The following MISP variants were observed in gnomAD, a reference collection of about 807,000 sequenced individuals.
The protein encoded by MISP is mitotic interactor and substrate of PLK1.
Under a neutral mutation model 49.3 loss-of-function variants are expected in MISP, and 51 were observed. That is an observed-to-expected ratio of 1.03 (90% CI 0.83 to 1.31). MISP has a LOEUF of 1.31. Among genes scored for constraint, MISP ranks in the 50% most tolerant of loss-of-function variants. The probability of loss-of-function intolerance (pLI) is 0.00; values close to 1 mark genes in which losing one functional copy is unlikely to be tolerated. For missense variants in MISP, 1,084 were observed against 935.1 expected (o/e 1.16, Z -2.08); for synonymous variants, 444 against 392.6 (o/e 1.13, Z -1.55).
chr19:753,612 C>T (rs2033496375), intron 1 of MISP, among the ~76,000 whole-genome samples: 1 of 151,876 alleles, frequency 6.6e-6, no homozygotes, highest in Non-Finnish European at 1.5e-5. Context: ...TGGTCTCGAT[C>T]TCCTGACCTC....
intron 3 of MISP, among the ~76,000 whole-genome samples, chr19:760,759 G>A (rs1180663094): frequency 6.6e-6 from 1 of 151,886 alleles, no homozygotes; most frequent in African/African-American, 2.4e-5. Context: ...AGGAAGGAAG[G>A]GAGGGAGGGA....
chr19:758,822 C>T, intron 2 of MISP, 96 bp downstream of exon 2: 1 of 1,054,832 alleles, frequency 9.5e-7, no homozygotes. Flanking sequence ...TGTCAAAGGG[C>T]TGGGGTTGGG....
intron 4 of MISP, among the ~76,000 whole-genome samples, chr19:762,887 G>T (rs1224674996): frequency 2.0e-5 from 3 of 151,860 alleles, no homozygotes; most frequent in Non-Finnish European, 2.9e-5. Context: ...GCCCAGGCTG[G>T]TCTCGAATTC....
rs780339674 is a variant in MISP at position 757,762 on chromosome 19, T to A, written c.816T>A (p.Val272=). 3 of 1,613,366 alleles carry A rather than the reference T, an allele frequency of 1.9e-6. No homozygotes were observed. The highest frequency in any genetic ancestry group is 2.5e-6 in the Non-Finnish European group (3 of 1,179,812). ...RAVPTWASVQ[V]VDDPGSLASV... is the part of the protein sequence containing the mutation. The stretch of plus-strand genomic sequence containing the variant: ...TGCCCACCTGGGCCAGTGTCCAAGT[T>A]GTGGATGACCCTGGCTCCTTGGCCT... Residue 272 remains valine (V), a synonymous_variant, in exon 2 of 5, where the codon GTT becomes GTA. Transcript: ENST00000215582.
In MISP at chr19:758,712, C is replaced by A. The variant is rs1289415136; in HGVS notation, c.1766C>A (p.Ser589Tyr). ...DENSDQNSRS[S>Y]SQASGITGSY... Reference sequence around the variant, plus strand: ...AACTCTGACCAGAACTCCAGGAGCTCCTCCCAGGCATCCGGTGAGAAGGGG... The same window carrying A: ...AACTCTGACCAGAACTCCAGGAGCTACTCCCAGGCATCCGGTGAGAAGGGG... Residue 589 changes from serine (S) to tyrosine (Y), a missense_variant, in exon 2 of 5, where the codon TCC (serine) becomes TAC (tyrosine). Coordinates refer to ENST00000215582, the MANE Select transcript of MISP (RefSeq NM_173481.4). 6.2e-7 allele frequency: 1 copy of A among 1,612,788 alleles called. No homozygotes were observed. Among genetic ancestry groups the A allele is most frequent in the African/African-American group, 1.3e-5 (1 of 74,904 alleles).
At position 758,091 on chromosome 19, in the gene MISP, C is replaced by A. The variant is rs201182924; in HGVS notation, c.1145C>A (p.Ser382Ter). 21 of 1,587,352 alleles carry A rather than the reference C, an allele frequency of 1.3e-5. No homozygotes were observed. Among genetic ancestry groups the A allele is most frequent in the Non-Finnish European group, 7.7e-6 (9 of 1,167,810 alleles). ...CGGGCGTCCACACCCGACTGGGTCT[C>A]GGAGGGTCCCCAGCCCGGACTCCGG... ...VGRASTPDWV[S>*]EGPQPGLRRA... The change falls in exon 2 of 5, where the codon TCG (serine) becomes TAG (stop). Residue 382 changes from serine (S) to a stop codon, truncating the protein, a stop_gained. Coordinates refer to ENST00000215582, the MANE Select transcript of MISP (RefSeq NM_173481.4). LOFTEE classifies it high-confidence loss of function.
In MISP at chr19:758,444, C is replaced by A; in HGVS notation, c.1498C>A (p.Arg500=). 4 of 1,614,170 alleles carry A rather than the reference C, an allele frequency of 2.5e-6. No individual in the cohort carries two copies. Among genetic ancestry groups the A allele is most frequent in the Non-Finnish European group, 3.4e-6 (4 of 1,180,032 alleles). The change falls in exon 2 of 5, where the codon CGG becomes AGG. Residue 500 remains arginine, a synonymous_variant. Transcript: ENST00000215582. Reference sequence around the variant, plus strand: ...CCCGCAAGCCAACAGGGGTGTCGTGCGGTGGGAGTACTTCCGCCTGCGTCC... The same window carrying A: ...CCCGCAAGCCAACAGGGGTGTCGTGAGGTGGGAGTACTTCCGCCTGCGTCC... ...GCPQANRGVV[R]WEYFRLRPLR...
At position 757,745 on chromosome 19, in the gene MISP, T is replaced by A. The variant is rs147260983; in HGVS notation, c.799T>A (p.Trp267Arg). 27 of 1,613,698 alleles carry A rather than the reference T, an allele frequency of 1.7e-5. No homozygotes were observed. In the African/African-American group the frequency reaches 3.3e-4, roughly 20 times the overall value. The change falls in exon 2 of 5, where the codon TGG becomes AGG. Residue 267 changes from tryptophan (W) to arginine (R), a missense_variant. Transcript: ENST00000215582. ...GAACAAGGTGCGTGCTGTGCCCACC[T>A]GGGCCAGTGTCCAAGTTGTGGATGA... ...EENKVRAVPT[W>R]ASVQVVDDPG...
intron 1 of MISP, among the ~76,000 whole-genome samples, chr19:751,681 G>A (rs2033461927): frequency 1.3e-5 from 2 of 152,264 alleles, no homozygotes; most frequent in Non-Finnish European, 2.9e-5. Flanking sequence ...TCTCAGGCCG[G>A]GGCTGGGGAC....
At position 752,134 on chromosome 19, in the gene MISP, G is replaced by C. The variant is rs576265614; in HGVS notation, c.-58+963G>C. Among the ~76,000 whole-genome samples the C allele has an allele frequency of 2.6e-5, 4 of 152,220 alleles. No homozygotes were observed. In the East Asian group the frequency reaches 5.8e-4, roughly 22 times the overall value. On this transcript the variant is annotated intron_variant, in intron 1 of 4. Transcript: ENST00000215582. ...TCAGATGAGCAGGTTCTCCTCTCTG[G>C]GTCCCAGCTCCCTCTCTCGAAAACC...
intron 1 of MISP, among the ~76,000 whole-genome samples, chr19:756,547 C>G (rs1251643943): frequency 6.6e-6 from 1 of 152,188 alleles, no homozygotes; most frequent in Non-Finnish European, 1.5e-5. Flanking sequence ...AGGTGGGATG[C>G]TCTGATTGGC....
At chr19:753,984 T>C (rs1292609405) in intron 1 of MISP, among the ~76,000 whole-genome samples, 2 of 152,116 alleles carry the variant, frequency 1.3e-5, no homozygotes, top group Non-Finnish European at 2.9e-5. Context: ...GCTTTTGAGA[T>C]CCCTGTGTCT....
Position 757,036 on chromosome 19 carries a change from A to G in MISP, c.90A>G (p.Thr30=). ...GLVLDGDTSY[T]YHLVCMGPEA... ...TGCTGGATGGAGACACCAGCTACAC[A>G]TACCATCTGGTGTGCATGGGCCCCG... Residue 30 remains threonine, a synonymous_variant, in exon 2 of 5, where the codon ACA becomes ACG. Coordinates refer to ENST00000215582, the MANE Select transcript of MISP (RefSeq NM_173481.4). The G allele has an allele frequency of 6.2e-7, 1 of 1,607,898 alleles. No individual in the cohort carries two copies. Among genetic ancestry groups the G allele is most frequent in the Non-Finnish European group, 8.5e-7 (1 of 1,177,370 alleles).
At chr19:753,629 C>A (rs1451555652) in intron 1 of MISP, among the ~76,000 whole-genome samples, 5 of 151,764 alleles carry the variant, frequency 3.3e-5, no homozygotes, top group African/African-American at 9.7e-5. Context: ...CCTCGTGATC[C>A]GCCAAAGTGC....
intron 4 of MISP, 99 bp from the exon 5 acceptor site, chr19:763,401 AC>A (rs1466684054): frequency 1.3e-6 from 1 of 771,690 alleles, no homozygotes; most frequent in Admixed American, 2.0e-5. Context: ...ATCCTACTTT[AC>A]CCCCGTTCTA....
chr19:758,319 C>A lies in MISP; in HGVS notation c.1373C>A (p.Ala458Glu), dbSNP rs200675895. 2 of 1,614,124 alleles carry A rather than the reference C, an allele frequency of 1.2e-6. No individual in the cohort carries two copies. Among genetic ancestry groups the A allele is most frequent in the East Asian group, 2.2e-5 (1 of 44,880 alleles). ...CTCTCCACAGCGGAGGCCAAGGCTG[C>A]GACTTCACCAAAGGCCACGATGTCC... is the stretch of plus-strand genomic sequence containing the variant. ...SSLSTAEAKA[A>E]TSPKATMSPR... Residue 458 changes from alanine (A) to glutamate (E), a missense_variant, in exon 2 of 5, where the codon GCG (alanine) becomes GAG (glutamate). Ala to Glu is a moderately radical substitution (Grantham distance 107). Transcript: ENST00000215582.
intron 1 of MISP, among the ~76,000 whole-genome samples, chr19:754,553 G>A (rs1022961019): frequency 1.3e-5 from 2 of 152,260 alleles, no homozygotes; most frequent in Non-Finnish European, 2.9e-5. Context: ...CTTGAACCCG[G>A]GAGGTGGAGA....
At position 757,735 on chromosome 19, in the gene MISP, T is replaced by C. The variant is rs1054625998; in HGVS notation, c.789T>C (p.Ala263=). The C allele has an allele frequency of 1.2e-6, 2 of 1,613,872 alleles. No homozygotes were observed. The part of the protein sequence containing the change: ...GVVREENKVR[A]VPTWASVQVV... Reference sequence around the variant, plus strand: ...TCAGGGAAGAGAACAAGGTGCGTGCTGTGCCCACCTGGGCCAGTGTCCAAG... The same window carrying C: ...TCAGGGAAGAGAACAAGGTGCGTGCCGTGCCCACCTGGGCCAGTGTCCAAG... Residue 263 remains alanine (A), a synonymous_variant, in exon 2 of 5, where the codon GCT becomes GCC. Transcript: ENST00000215582.
At position 758,701 on chromosome 19, in the gene MISP, C is replaced by T. The variant is rs1302844777; in HGVS notation, c.1755C>T (p.Asn585=). Residue 585 remains asparagine, a synonymous_variant, in exon 2 of 5, where the codon AAC becomes AAT. Transcript: ENST00000215582. ...SPTPDENSDQ[N]SRSSSQASGI... ...CGCCAGATGAGAACTCTGACCAGAACTCCAGGAGCTCCTCCCAGGCATCCG... is the reference window on the plus strand; with the variant it reads ...CGCCAGATGAGAACTCTGACCAGAATTCCAGGAGCTCCTCCCAGGCATCCG... 3 of 1,613,600 alleles carry T rather than the reference C, an allele frequency of 1.9e-6. No individual in the cohort carries two copies. The highest frequency in any genetic ancestry group is 1.3e-5 in the African/African-American group (1 of 75,040).
Sources: allele counts gnomAD v4.1 joint callset (sites outside exome capture counted in the v4.1 genomes callset), GRCh38; gene constraint gnomAD v4.1.1; transcripts MANE v1.5; gene names NCBI Gene and HGNC (gene_info 2026-07-23, HGNC 2026-07-21).